Variants in NEDD4L observed in about 807,000 individuals in gnomAD.
NEDD4L encodes E3 ubiquitin-protein ligase NEDD4-like.
In NEDD4L, 54 loss-of-function variants were observed where a neutral mutation model predicts 148.9. The ratio of observed to expected loss-of-function variants is 0.36; its 90% CI spans 0.29 to 0.45. NEDD4L has a LOEUF of 0.45. Ranked by LOEUF, NEDD4L falls within the 20% of genes least tolerant of loss-of-function variation. The pLI is 1.00. For synonymous variants in NEDD4L, 433 were observed against 440.7 expected, an observed-to-expected ratio of 0.98 and a Z score of 0.22; for missense variants, 856 against 1,233.8, an observed-to-expected ratio of 0.69 and a Z score of 4.59.
At chr18:58,159,265 A>G (rs1397482239) in intron 1 of NEDD4L, among the ~76,000 whole-genome samples, 1 of 152,064 alleles carries the variant, frequency 6.6e-6, no homozygotes, top group Non-Finnish European at 1.5e-5. Flanking sequence ...GAGTAGGCAG[A>G]GCACCGAGGA....
chr18:58,084,980 C>G (rs2083682702), intron 1 of NEDD4L, among the ~76,000 whole-genome samples: 1 of 152,114 alleles, frequency 6.6e-6, no homozygotes. Context: ...CAGGTGTGAG[C>G]CACTGCGCCC....
chr18:58,352,237 T>C (rs2043980905), intron 18 of NEDD4L, among the ~76,000 whole-genome samples: 1 of 152,246 alleles, frequency 6.6e-6, no homozygotes, highest in South Asian at 2.1e-4. Flanking sequence ...GCATAAAGTA[T>C]TTTTCCTGCT....
intron 5 of NEDD4L, among the ~76,000 whole-genome samples, chr18:58,269,416 TTAC>T (rs1018824076): frequency 1.3e-5 from 2 of 152,064 alleles, no homozygotes; most frequent in African/African-American, 4.8e-5. Context: ...GGATTAGGTA[TTAC>T]CCTTGTGCTC....
intron 1 of NEDD4L, among the ~76,000 whole-genome samples, chr18:58,139,286 A>ACCCCCCCCCCC (rs2033216945): frequency 1.4e-5 from 2 of 142,526 alleles, no homozygotes; most frequent in African/African-American, 2.6e-5. Flanking sequence ...CTTCCCTCCC[A>ACCCCCCCCCCC]ACCCCTCCCC....
intron 4 of NEDD4L, among the ~76,000 whole-genome samples, chr18:58,251,542 T>C (rs893572711): frequency 6.7e-6 from 1 of 149,654 alleles, no homozygotes; most frequent in Admixed American, 6.6e-5. Context: ...TGTTTGTGTG[T>C]ATGTGTGTGT....
intron 1 of NEDD4L, among the ~76,000 whole-genome samples, chr18:58,156,109 G>A (rs2035460251): frequency 6.6e-6 from 1 of 152,204 alleles, no homozygotes; most frequent in South Asian, 2.1e-4. Flanking sequence ...CCTTGAACCA[G>A]AACCTCTTTT....
intron 5 of NEDD4L, among the ~76,000 whole-genome samples, chr18:58,309,246 A>G (rs2149340392): frequency 6.6e-6 from 1 of 152,242 alleles, no homozygotes. Flanking sequence ...GCGAGCCCTC[A>G]GCCGGATGCT....
At chr18:58,343,194 G>T in intron 16 of NEDD4L, 91 bp downstream of exon 16, 1 of 1,040,808 alleles carries the variant, frequency 9.6e-7, no homozygotes, top group Non-Finnish European at 1.3e-6. Context: ...TCTTGCAGAG[G>T]AATTGGATTG....
chr18:58,301,794 A>G (rs967939883), intron 5 of NEDD4L, among the ~76,000 whole-genome samples: 2 of 152,186 alleles, frequency 1.3e-5, no homozygotes, highest in African/African-American at 4.8e-5. Context: ...TGAATGCAGA[A>G]TACCCATTAA....
intron 3 of NEDD4L, among the ~76,000 whole-genome samples, chr18:58,247,055 A>G (rs535245539): frequency 1.3e-5 from 2 of 152,224 alleles, no homozygotes; most frequent in Non-Finnish European, 2.9e-5. Context: ...AACCCAAAAA[A>G]CAAAACAAAC....
intron 1 of NEDD4L, among the ~76,000 whole-genome samples, chr18:58,157,013 C>CA (rs1382005664): frequency 2.8e-5 from 4 of 142,430 alleles, no homozygotes; most frequent in African/African-American, 7.8e-5. Context: ...AAATCTCTAC[C>CA]AAAAAAATAC....
chr18:58,271,834 C>T (rs1402300389), intron 5 of NEDD4L, among the ~76,000 whole-genome samples: 2 of 152,038 alleles, frequency 1.3e-5, no homozygotes, highest in Non-Finnish European at 2.9e-5. Flanking sequence ...TTTTATTTTT[C>T]GTTTTGTATG....
intron 2 of NEDD4L, among the ~76,000 whole-genome samples, chr18:58,211,527 T>A (rs2042600023): frequency 6.6e-6 from 1 of 152,250 alleles, no homozygotes; most frequent in African/African-American, 2.4e-5. Flanking sequence ...AAACATGTAA[T>A]GCCTGAATGT....
chr18:58,395,879 T>A (rs2050429406), intron 30 of NEDD4L, among the ~76,000 whole-genome samples: 1 of 152,214 alleles, frequency 6.6e-6, no homozygotes, highest in Non-Finnish European at 1.5e-5. Flanking sequence ...TTCCAAGGGT[T>A]TGGAAATCTT....
At chr18:58,374,728 G>A (rs768301007) in intron 24 of NEDD4L, among the ~76,000 whole-genome samples, 3 of 150,714 alleles carry the variant, frequency 2.0e-5, no homozygotes, top group South Asian at 2.1e-4. Context: ...CTTTCACTCC[G>A]GGCTCTCACC....
intron 5 of NEDD4L, among the ~76,000 whole-genome samples, chr18:58,277,206 T>C (rs140770106): frequency 1.3e-5 from 2 of 151,436 alleles, no homozygotes; most frequent in Admixed American, 6.6e-5. Context: ...TTGATCTTTG[T>C]ACCCCATGGG....
chr18:58,377,964 C>T (rs1448662126), intron 24 of NEDD4L, among the ~76,000 whole-genome samples: 1 of 152,122 alleles, frequency 6.6e-6, no homozygotes, highest in Non-Finnish European at 1.5e-5. Context: ...AGGCTGGTCT[C>T]GAACTCCTGG....
rs187626062 is a variant in NEDD4L, at chr18:58,169,732, G to A, written c.122+3871G>A. ...TTCTGCTGTCCCCTTTCCCAAGGAC[G>A]TACTCTGCCCTAACCTCACCCTGAT... On this transcript the variant is annotated intron_variant, in intron 2 of 30. Transcript: ENST00000400345. Among the ~76,000 whole-genome samples the A allele has an allele frequency of 7.6e-4, 115 of 152,302 alleles. No homozygotes were observed. The East Asian group carries it at 0.012, about 16-fold the overall frequency.
chr18:58,218,836 G>A (rs912742501), intron 2 of NEDD4L, among the ~76,000 whole-genome samples: 1 of 152,152 alleles, frequency 6.6e-6, no homozygotes, highest in Non-Finnish European at 1.5e-5. Flanking sequence ...TGGTGATCAT[G>A]GTGGCAGTTT....
Sources: gnomAD v4.1 joint callset for allele counts (sites outside exome capture counted in the v4.1 genomes callset) on GRCh38, gnomAD v4.1.1 for gene constraint, MANE v1.5 for transcripts, NCBI Gene and HGNC (gene_info 2026-07-23, HGNC 2026-07-21) for gene names.